Variants in DNM2 observed in about 807,000 individuals in gnomAD.
DNM2 encodes the protein dynamin-2.
A neutral mutation model predicts 99.0 loss-of-function variants in DNM2; 15 were observed. The observed-to-expected ratio is 0.15, with a 90% CI of 0.10 to 0.23. The LOEUF (loss-of-function observed/expected upper bound fraction) is 0.23, where lower values mean the gene tolerates loss of function less well. DNM2 is among the 10% of genes least tolerant of loss of function. The pLI, the probability that DNM2 is intolerant of heterozygous loss-of-function variation, is 1.00. For missense variants in DNM2, 742 were observed against 1,189.4 expected, an observed-to-expected ratio of 0.62 and a Z score of 5.53; for synonymous variants, 525 against 481.2, an observed-to-expected ratio of 1.09 and a Z score of -1.19.
intron 2 of DNM2, among the ~76,000 whole-genome samples, chr19:10,770,714 G>A (rs1315242022): frequency 6.6e-6 from 1 of 152,202 alleles, no homozygotes; most frequent in East Asian, 1.9e-4. Context: ...CAAAGAGAGT[G>A]AGAGAGCTTC....
intron 6 of DNM2, among the ~76,000 whole-genome samples, chr19:10,783,696 A>ATTTT (rs1373476449): frequency 7.4e-6 from 1 of 134,446 alleles, no homozygotes; most frequent in Admixed American, 7.4e-5. Context: ...TATTATTATT[A>ATTTT]TTATTATTAT....
At chr19:10,767,854 C>T (rs1305208902) in intron 2 of DNM2, among the ~76,000 whole-genome samples, 1 of 152,058 alleles carries the variant, frequency 6.6e-6, no homozygotes, top group South Asian at 2.1e-4. Context: ...TGCAGTGAGC[C>T]GAGATTTCAC....
chr19:10,783,630 T>C (rs746770780), intron 6 of DNM2, among the ~76,000 whole-genome samples: 4 of 151,984 alleles, frequency 2.6e-5, no homozygotes, highest in African/African-American at 7.2e-5. Flanking sequence ...GAAGACTGTA[T>C]GCATTGCCTG....
chr19:10,724,633 A>T (rs2069053722), intron 1 of DNM2, among the ~76,000 whole-genome samples: 1 of 152,112 alleles, frequency 6.6e-6, no homozygotes, highest in Non-Finnish European at 1.5e-5. Context: ...GTGGAGGGAG[A>T]TCAGATCTGG....
Position 10,718,193 on chromosome 19 carries a change from C to T in DNM2, c.-50C>T, listed in dbSNP as rs2068816099. 3.6e-6 allele frequency: 5 copies of T among 1,389,346 alleles called. No individual in the cohort carries two copies. The highest frequency in any genetic ancestry group is 4.7e-6 in the Non-Finnish European group (5 of 1,069,246). The allele number at this position is 1,389,346 out of a possible 1,614,324, so 86.1% of individuals were successfully genotyped here. A position where few individuals can be genotyped will look rare whatever the true frequency, so the allele number is the denominator to read the frequency against. On this transcript the variant is annotated 5_prime_UTR_variant, in exon 1 of 21. Coordinates refer to ENST00000389253, the MANE Select transcript of DNM2 (RefSeq NM_001005361.3). ...GCCGCGGGGCCAGGTCGTTGAGGGT[C>T]GGCGGCGGGCGAGGAGCGCAGGGCG...
At position 10,775,719 on chromosome 19, in the gene DNM2, C is replaced by A. The variant is rs748069348; in HGVS notation, c.402C>A (p.Leu134=). The change falls in exon 4 of 21, where the codon CTC becomes CTA. Residue 134 remains leucine, a synonymous_variant. Coordinates refer to ENST00000389253, the MANE Select transcript of DNM2 (RefSeq NM_001005361.3). This position sits in a 1 kb window ranked among gnomAD's most constrained non-coding sequence, Gnocchi z 4.3. ...VYSPHVLNLT[L]IDLPGITKVP... ...CCCTCCCAGTGTTGAACTTGACCCTCATCGACCTCCCGGGTATCACCAAGG... is the reference window on the plus strand; with the variant it reads ...CCCTCCCAGTGTTGAACTTGACCCTAATCGACCTCCCGGGTATCACCAAGG... 1 of 1,614,158 alleles carries A rather than the reference C, an allele frequency of 6.2e-7. No individual in the cohort carries two copies. The highest frequency in any genetic ancestry group is 2.2e-5 in the East Asian group (1 of 44,870).
chr19:10,823,747 CA>C, intron 16 of DNM2, 40 bp from the exon 17 acceptor site: 1 of 1,579,026 alleles, frequency 6.3e-7, no homozygotes. Flanking sequence ...AGACCCATGG[CA>C]GGGTCAAGCT....
intron 6 of DNM2, 180 bp from the exon 7 acceptor site, chr19:10,786,384 C>A: frequency 9.6e-7 from 1 of 1,042,734 alleles, no homozygotes. Context: ...GTGCCGTCTC[C>A]GTTCCCAGAC....
intron 6 of DNM2, among the ~76,000 whole-genome samples, chr19:10,783,410 T>G (rs543609242): frequency 6.6e-6 from 1 of 152,266 alleles, no homozygotes; most frequent in South Asian, 2.1e-4. Context: ...AAGGCTTCAG[T>G]GAGCCATGTT....
intron 1 of DNM2, among the ~76,000 whole-genome samples, chr19:10,758,347 T>C (rs1218969749): frequency 2.5e-5 from 3 of 119,430 alleles, no homozygotes; most frequent in East Asian, 2.7e-4. Context: ...CCCTCCTTCC[T>C]TCCCTCCCTC....
chr19:10,805,925 G>C lies in DNM2; in HGVS notation c.1503G>C (p.Gln501His), dbSNP rs751380459. 6.2e-7 allele frequency: 1 copy of C among 1,614,172 alleles called. No individual in the cohort carries two copies. The highest frequency in any genetic ancestry group is 8.5e-7 in the Non-Finnish European group (1 of 1,180,042). The change falls in exon 13 of 21, where the codon CAG (glutamine) becomes CAC (histidine). Residue 501 changes from glutamine to histidine, a missense_variant. Coordinates refer to ENST00000389253, the MANE Select transcript of DNM2 (RefSeq NM_001005361.3). ...TGTTCTTTGGTTTCAGTGCCCAGCA[G>C]AGGAGCACGCAGCTGAACAAGAAGA... is the stretch of plus-strand genomic sequence containing the variant. Reference protein sequence around the residue: ...EDFIGFANAQQRSTQLNKKRA... With the variant: ...EDFIGFANAQHRSTQLNKKRA...
intron 17 of DNM2, 39 bp from the exon 18 acceptor site, chr19:10,825,018 G>A (rs771247816): frequency 1.2e-6 from 2 of 1,612,678 alleles, no homozygotes; most frequent in African/African-American, 2.7e-5. Context: ...CTTGGCCCAG[G>A]CCACAGTCAC....
At chr19:10,737,375 C>T (rs1014854588) in intron 1 of DNM2, among the ~76,000 whole-genome samples, 2 of 152,114 alleles carry the variant, frequency 1.3e-5, no homozygotes, top group African/African-American at 4.8e-5. Flanking sequence ...AAAGGCTCTC[C>T]CCCTGGCCAC....
intron 15 of DNM2, among the ~76,000 whole-genome samples, chr19:10,815,632 G>A (rs1173664434): frequency 6.6e-6 from 1 of 152,178 alleles, no homozygotes. Context: ...AGGAGCTGGA[G>A]GCTGTGTCAG....
intron 10 of DNM2, 119 bp downstream of exon 10, chr19:10,797,637 G>A (rs1056743848): frequency 1.3e-6 from 2 of 1,497,474 alleles, no homozygotes; most frequent in East Asian, 2.3e-5. Context: ...CCTACCAGTT[G>A]TCACTTAGAG....
chr19:10,735,631 A>G (rs942984034), intron 1 of DNM2, among the ~76,000 whole-genome samples: 1 of 151,276 alleles, frequency 6.6e-6, no homozygotes, highest in Non-Finnish European at 1.5e-5. Context: ...CTCCTGCCTC[A>G]GCCGCTTGAG....
At position 10,812,300 on chromosome 19, in the gene DNM2, A is replaced by G. The variant is rs368752035; in HGVS notation, c.1594A>G (p.Ser532Gly). 5 of 1,609,660 alleles carry G rather than the reference A, an allele frequency of 3.1e-6. No individual in the cohort carries two copies. Among genetic ancestry groups the G allele is most frequent in the Non-Finnish European group, 4.2e-6 (5 of 1,177,762 alleles). The change falls in exon 15 of 21, where the codon AGC becomes GGC. Residue 532 changes from serine to glycine, a missense_variant. By Grantham distance (56) the Ser-to-Gly change is moderately conservative (BLOSUM62 0). Around this residue, in one of 7 missense-constraint regions of DNM2, gnomAD observed 240 missense variants for 431.3 expected, o/e 0.56. Transcript: ENST00000389253. This position sits in a 1 kb window ranked among gnomAD's most constrained non-coding sequence, Gnocchi z 4.0. ...GGGCTGGCTGACCATCAACAACATCAGCCTGATGAAAGGCGGCTCCAAGGA... is the reference window on the plus strand; with the variant it reads ...GGGCTGGCTGACCATCAACAACATCGGCCTGATGAAAGGCGGCTCCAAGGA... The part of the protein sequence containing the change: ...RRGWLTINNI[S>G]LMKGGSKEYW...
At position 10,785,646 on chromosome 19, in the gene DNM2, G is replaced by T. The variant is rs1233637966; in HGVS notation, c.850-918G>T. On this transcript the variant is annotated intron_variant, in intron 6 of 20. Coordinates refer to ENST00000389253, the MANE Select transcript of DNM2 (RefSeq NM_001005361.3). ...TGTAGAGAGAAGGTCTCACCATATTGCCTGGGCTGGTCTCAAACGCCTATC... is the reference window on the plus strand; with the variant it reads ...TGTAGAGAGAAGGTCTCACCATATTTCCTGGGCTGGTCTCAAACGCCTATC... 2.0e-5 allele frequency among the ~76,000 whole-genome samples: 3 copies of T among 151,990 alleles called. No individual in the cohort carries two copies. The South Asian group carries it at 6.3e-4, about 32-fold the overall frequency.
chr19:10,774,338 A>G (rs1329898652), intron 3 of DNM2, among the ~76,000 whole-genome samples: 1 of 152,228 alleles, frequency 6.6e-6, no homozygotes. Context: ...GTAAGCAAAA[A>G]ACATGTAAGC....
Sources: allele counts gnomAD v4.1 joint callset (sites outside exome capture counted in the v4.1 genomes callset), GRCh38; gene constraint gnomAD v4.1.1; regional missense constraint gnomAD v4.1.1; non-coding constraint Gnocchi (gnomAD v3.1); transcripts MANE v1.5; gene names NCBI Gene and HGNC (gene_info 2026-07-23, HGNC 2026-07-21).